MMP14: variants seen among roughly 807,000 people sequenced by gnomAD.
MMP14 encodes matrix metalloproteinase-14.
Under a neutral mutation model 64.8 loss-of-function variants are expected in MMP14, and 13 were observed. The ratio of observed to expected loss-of-function variants is 0.20; its 90% CI spans 0.13 to 0.32. The LOEUF (loss-of-function observed/expected upper bound fraction) is 0.32. MMP14 is among the 10% of genes least tolerant of loss of function. The pLI, the probability that MMP14 is intolerant of heterozygous loss-of-function variation, is 1.00. For synonymous variants in MMP14, 322 were observed against 315.9 expected, an observed-to-expected ratio of 1.02 and a Z score of -0.20; for missense variants, 594 against 783.8, an observed-to-expected ratio of 0.76 and a Z score of 2.89.
At chr14:22,841,413 T>C in intron 1 of MMP14, 78 bp from the exon 2 acceptor site, 1 of 1,566,666 alleles carries the variant, frequency 6.4e-7, no homozygotes, top group Admixed American at 1.7e-5. Context: ...CAAGGCTGTA[T>C]GCTGGGCATT....
intron 8 of MMP14, among the ~76,000 whole-genome samples, 181 bp from the exon 9 acceptor site, chr14:22,845,070 C>T (rs1158166596): frequency 2.6e-5 from 4 of 152,166 alleles, no homozygotes; most frequent in African/African-American, 9.7e-5. Flanking sequence ...TCCTTGCAGC[C>T]TGGGCCCTCC....
At chr14:22,839,827 G>T (rs1482607225) in intron 1 of MMP14, among the ~76,000 whole-genome samples, 1 of 151,970 alleles carries the variant, frequency 6.6e-6, no homozygotes, top group Non-Finnish European at 1.5e-5. Flanking sequence ...TCCCATCCTG[G>T]GCAACCTACA....
At chr14:22,836,965 C>T in intron 1 of MMP14, 40 bp downstream of exon 1, 1 of 1,540,482 alleles carries the variant, frequency 6.5e-7, no homozygotes. Flanking sequence ...TCGCGCCCGC[C>T]GGGAGGCGAG....
At position 22,842,124 on chromosome 14, in the gene MMP14, C is replaced by A; in HGVS notation, c.380+89C>A. The A allele has an allele frequency of 6.6e-7, 1 of 1,523,952 alleles. No homozygotes were observed. The highest frequency in any genetic ancestry group is 1.2e-5 in the South Asian group (1 of 83,726). 94.4% of individuals were successfully genotyped at this position (1,523,952 alleles called of 1,614,324 possible). A position where few individuals can be genotyped will look rare whatever the true frequency, so the allele number is the denominator to read the frequency against. ...TGCAGGGACTCAGAGACCCCCTGCC[C>A]CACTCCCCTCAGTTCCTGGGAAGCA... is the stretch of plus-strand genomic sequence containing the variant. On this transcript the variant is annotated intron_variant, in intron 3 of 9. Transcript: ENST00000311852. The surrounding 1 kb of genome is among the most constrained non-coding windows in gnomAD (Gnocchi z 5.3).
rs956225322 is a variant in MMP14, at chr14:22,839,942, A to G, written c.109-1549A>G. 6.7e-5 allele frequency among the ~76,000 whole-genome samples: 10 copies of G among 148,754 alleles called. No homozygotes were observed. The East Asian group carries it at 1.2e-3, about 18-fold the overall frequency. ...GAATCCAAGCATCTTCATATTTCAT[A>G]TATAACTTGGCTTGTTTTACTTTTT... On this transcript the variant is annotated intron_variant, in intron 1 of 9. Transcript: ENST00000311852.
chr14:22,842,136 G>C lies in MMP14; in HGVS notation c.380+101G>C, dbSNP rs17879219. The C allele has an allele frequency of 2.0e-3, 3,000 of 1,499,430 alleles. 57 individuals are homozygous for C. In the African/African-American group the frequency reaches 0.037, roughly 18 times the overall value. The allele number at this position is 1,499,430 out of a possible 1,614,324, so 92.9% of individuals were successfully genotyped here. A position where few individuals can be genotyped will look rare whatever the true frequency, so the allele number is the denominator to read the frequency against. On this transcript the variant is annotated intron_variant, in intron 3 of 9. Transcript: ENST00000311852. The surrounding 1 kb of genome is among the most constrained non-coding windows in gnomAD (Gnocchi z 5.3). ...GAGACCCCCTGCCCCACTCCCCTCA[G>C]TTCCTGGGAAGCATCCGTGGGAGTG...
chr14:22,842,311 TG>T lies in MMP14; in HGVS notation c.381-96del. 7.3e-7 allele frequency: 1 copy of T among 1,371,520 alleles called. No homozygotes were observed. The highest frequency in any genetic ancestry group is 1.0e-6 in the Non-Finnish European group (1 of 998,342). The allele number at this position is 1,371,520 out of a possible 1,614,324, so 85.0% of individuals were successfully genotyped here. A position where few individuals can be genotyped will look rare whatever the true frequency, so the allele number is the denominator to read the frequency against. On this transcript the variant is annotated intron_variant, in intron 3 of 9. Coordinates refer to ENST00000311852, the MANE Select transcript of MMP14 (RefSeq NM_004995.4). This position sits in a 1 kb window ranked among gnomAD's most constrained non-coding sequence, Gnocchi z 5.3. ...AAGAGCTGGGTCAGGCAGAGGTGGCTGGGCCGCGCAGTCAGACCTGGGAGAG... is the reference window on the plus strand; with the variant it reads ...AAGAGCTGGGTCAGGCAGAGGTGGCTGGCCGCGCAGTCAGACCTGGGAGAG...
At position 22,846,988 on chromosome 14, in the gene MMP14, TGCA is replaced by T. The variant is rs545681019; in HGVS notation, c.*956_*958del. On this transcript the variant is annotated 3_prime_UTR_variant, in exon 10 of 10. Transcript: ENST00000311852. ...GGGACCAAAAAGGAAAATGAGGACG[TGCA>T]GCAGCATTGGAAGGCTGGGGCCGGG... The T allele has an allele frequency of 7.2e-5, 11 of 152,810 alleles. No homozygotes were observed. The highest frequency in any genetic ancestry group is 2.6e-4 in the African/African-American group (11 of 41,520). The allele number at this position is 152,810 out of a possible 1,614,324, so 9.5% of individuals were successfully genotyped here.
intron 1 of MMP14, 81 bp from the exon 2 acceptor site, chr14:22,841,410 G>A: frequency 6.4e-7 from 1 of 1,559,060 alleles, no homozygotes; most frequent in Non-Finnish European, 8.7e-7. Flanking sequence ...AGCCAAGGCT[G>A]TATGCTGGGC....
chr14:22,843,611 C>G lies in MMP14; in HGVS notation c.851-99C>G. 2 of 1,444,796 alleles carry G rather than the reference C, an allele frequency of 1.4e-6. No individual in the cohort carries two copies. 89.5% of individuals were successfully genotyped at this position (1,444,796 alleles called of 1,614,324 possible). ...GGTTGCTTCAGCCTCCCCTAGAAGC[C>G]CATCCACACCTTTCCAAGGGTATTG... On this transcript the variant is annotated intron_variant, in intron 5 of 9. Coordinates refer to ENST00000311852, the MANE Select transcript of MMP14 (RefSeq NM_004995.4). This position sits in a 1 kb window ranked among gnomAD's most constrained non-coding sequence, Gnocchi z 4.8.
At position 22,836,823 on chromosome 14, in the gene MMP14, T is replaced by C; in HGVS notation, c.6T>C (p.Ser2=). The C allele has an allele frequency of 6.2e-7, 1 of 1,600,846 alleles. No individual in the cohort carries two copies. Among genetic ancestry groups the C allele is most frequent in the Non-Finnish European group, 8.5e-7 (1 of 1,171,468 alleles). The part of the protein sequence containing the change: M[S]PAPRPPRCLL... ...TGACCCGGTGGTCTCGGACCATGTC[T>C]CCCGCCCCAAGACCCCCCCGTTGTC... The change falls in exon 1 of 10, where the codon TCT becomes TCC. Residue 2 remains serine (S), a synonymous_variant. Transcript: ENST00000311852.
At position 22,842,352 on chromosome 14, in the gene MMP14, A is replaced by G; in HGVS notation, c.381-58A>G. The G allele has an allele frequency of 6.4e-7, 1 of 1,552,234 alleles. No individual in the cohort carries two copies. The highest frequency in any genetic ancestry group is 8.8e-7 in the Non-Finnish European group (1 of 1,141,754). ...ACCTGGGAGAGTGCAGGGAAGGAGA[A>G]TGTTGCCCCTCTTTATCCTAACACA... On this transcript the variant is annotated intron_variant, in intron 3 of 9. Coordinates refer to ENST00000311852, the MANE Select transcript of MMP14 (RefSeq NM_004995.4). The surrounding 1 kb of genome is among the most constrained non-coding windows in gnomAD (Gnocchi z 5.3).
intron 1 of MMP14, among the ~76,000 whole-genome samples, chr14:22,838,418 T>C (rs371015259): frequency 2.0e-4 from 30 of 152,134 alleles, no homozygotes; most frequent in African/African-American, 6.7e-4. Context: ...CACCATTTGC[T>C]TCTGGGCCCA....
In MMP14 at chr14:22,842,531, C is replaced by T. The variant is rs759963384; in HGVS notation, c.502C>T (p.Arg168Cys). ...CCGCGAGGTGCCCTATGCCTACATCCGTGAGGGCCATGAGAAGCAGGCCGA... is the reference window on the plus strand; with the variant it reads ...CCGCGAGGTGCCCTATGCCTACATCTGTGAGGGCCATGAGAAGCAGGCCGA... The part of the protein sequence containing the change: ...RFREVPYAYI[R>C]EGHEKQADIM... The change falls in exon 4 of 10, where the codon CGT becomes TGT. Residue 168 changes from arginine (R) to cysteine (C), a missense_variant. By Grantham distance (180) the Arg-to-Cys change is radical (BLOSUM62 -3). Coordinates refer to ENST00000311852, the MANE Select transcript of MMP14 (RefSeq NM_004995.4). This position sits in a 1 kb window ranked among gnomAD's most constrained non-coding sequence, Gnocchi z 5.3. 4 of 1,614,146 alleles carry T rather than the reference C, an allele frequency of 2.5e-6. No individual in the cohort carries two copies. The highest frequency in any genetic ancestry group is 2.2e-5 in the East Asian group (1 of 44,886).
At chr14:22,838,852 C>T (rs933496556) in intron 1 of MMP14, among the ~76,000 whole-genome samples, 1 of 152,152 alleles carries the variant, frequency 6.6e-6, no homozygotes, top group Non-Finnish European at 1.5e-5. Flanking sequence ...TTGCCTAGGC[C>T]TGGGGGGAGG....
chr14:22,838,001 C>T (rs1012948921), intron 1 of MMP14, among the ~76,000 whole-genome samples: 4 of 152,216 alleles, frequency 2.6e-5, no homozygotes, highest in Non-Finnish European at 4.4e-5. Flanking sequence ...ATGGGTTTGG[C>T]TTCTCCTCCT....
chr14:22,840,029 G>A (rs1324237365), intron 1 of MMP14, among the ~76,000 whole-genome samples: 1 of 145,816 alleles, frequency 6.9e-6, no homozygotes, highest in Admixed American at 7.0e-5. Context: ...GTGCAGTGGC[G>A]GGATCTTGGC....
chr14:22,843,394 C>T lies in MMP14; in HGVS notation c.826C>T (p.Arg276Cys), dbSNP rs145239346. The T allele has an allele frequency of 1.3e-4, 209 of 1,613,680 alleles. No homozygotes were observed. Among genetic ancestry groups the T allele is most frequent in the Non-Finnish European group, 1.6e-4 (188 of 1,179,908 alleles). The change falls in exon 5 of 10, where the codon CGC (arginine) becomes TGC (cysteine). Residue 276 changes from arginine (R) to cysteine (C), a missense_variant. Physicochemically the swap from Arg to Cys is radical, Grantham distance 180. Transcript: ENST00000311852. This position sits in a 1 kb window ranked among gnomAD's most constrained non-coding sequence, Gnocchi z 4.8. ...GAATTTTGTGCTGCCCGATGATGAC[C>T]GCCGGGGCATCCAGCAACTTTATGG... is the stretch of plus-strand genomic sequence containing the variant. ...TENFVLPDDD[R>C]RGIQQLYGGE...
In MMP14 at chr14:22,843,574, C is replaced by T. The variant is rs576078832; in HGVS notation, c.851-136C>T. ...CCACTTTTGAGCCCATCTTTTGTGT[C>T]GCCTCCCAGTTGGTTGCTTCAGCCT... On this transcript the variant is annotated intron_variant, in intron 5 of 9. Transcript: ENST00000311852. This position sits in a 1 kb window ranked among gnomAD's most constrained non-coding sequence, Gnocchi z 4.8. 4.8e-5 allele frequency: 66 copies of T among 1,375,420 alleles called. No homozygotes were observed. In the East Asian group the frequency reaches 7.9e-4, roughly 16 times the overall value. 85.2% of individuals were successfully genotyped at this position (1,375,420 alleles called of 1,614,324 possible). A position where few individuals can be genotyped will look rare whatever the true frequency, so the allele number is the denominator to read the frequency against.
Sources: gnomAD v4.1 joint callset for allele counts (sites outside exome capture counted in the v4.1 genomes callset) on GRCh38, gnomAD v4.1.1 for gene constraint, Gnocchi (gnomAD v3.1) non-coding constraint, MANE v1.5 for transcripts, NCBI Gene and HGNC (gene_info 2026-07-23, HGNC 2026-07-21) for gene names.